Variants in SKAP2 observed in about 807,000 individuals in gnomAD.
The protein encoded by SKAP2 is src kinase-associated phosphoprotein 2.
In SKAP2, 28 loss-of-function variants were observed where a neutral mutation model predicts 54.9. That is an observed-to-expected ratio of 0.51 (90% CI 0.38 to 0.70). SKAP2 has a LOEUF of 0.70. Ranked by LOEUF, SKAP2 falls within the 30% of genes least tolerant of loss-of-function variation. SKAP2 has a pLI of 0.00. For missense variants in SKAP2, 356 were observed against 424.1 expected, an observed-to-expected ratio of 0.84 and a Z score of 1.41; for synonymous variants, 137 against 134.3, an observed-to-expected ratio of 1.02 and a Z score of -0.14.
intron 4 of SKAP2, among the ~76,000 whole-genome samples, chr7:26,763,363 T>G (rs978945243): frequency 3.3e-5 from 5 of 152,098 alleles, no homozygotes; most frequent in African/African-American, 9.7e-5. Flanking sequence ...TCCAAAAATT[T>G]ACAAAGGCAA....
intron 4 of SKAP2, among the ~76,000 whole-genome samples, chr7:26,741,046 G>C (rs946888703): frequency 4.6e-5 from 7 of 152,144 alleles, no homozygotes; most frequent in African/African-American, 1.4e-4. Flanking sequence ...ACTCTAGCAA[G>C]TGAAAACAAC....
intron 6 of SKAP2, 42 bp from the exon 7 acceptor site, chr7:26,727,048 T>G (rs188772129): frequency 2.9e-4 from 426 of 1,459,190 alleles, no homozygotes; most frequent in Non-Finnish European, 3.8e-4. Flanking sequence ...TTACTAAGTA[T>G]TAATGCTCAA....
intron 1 of SKAP2, among the ~76,000 whole-genome samples, chr7:26,863,677 G>A (rs974659276): frequency 6.6e-6 from 1 of 151,984 alleles, no homozygotes; most frequent in African/African-American, 2.4e-5. Context: ...GGAAGATAAG[G>A]GTACAAAGAT....
intron 9 of SKAP2, among the ~76,000 whole-genome samples, chr7:26,715,125 T>C (rs1787401791): frequency 6.6e-6 from 1 of 152,194 alleles, no homozygotes. Flanking sequence ...CCCATTAACA[T>C]AATTTTTCTT....
intron 4 of SKAP2, among the ~76,000 whole-genome samples, chr7:26,782,987 A>C (rs1783460460): frequency 6.6e-6 from 1 of 152,182 alleles, no homozygotes; most frequent in Non-Finnish European, 1.5e-5. Flanking sequence ...AAAAAAGAAC[A>C]CCAGAATGTA....
At chr7:26,738,107 A>G (rs866869517) in intron 6 of SKAP2, among the ~76,000 whole-genome samples, 2 of 152,168 alleles carry the variant, frequency 1.3e-5, no homozygotes, top group African/African-American at 2.4e-5. Context: ...AGGCACCGAG[A>G]CAAGACCCTG....
chr7:26,692,849 AT>A (rs1786813861), intron 9 of SKAP2, among the ~76,000 whole-genome samples: 2 of 152,198 alleles, frequency 1.3e-5, no homozygotes, highest in Admixed American at 1.3e-4. Context: ...TTGACAGATA[AT>A]TTGGTAAAAG....
intron 9 of SKAP2, among the ~76,000 whole-genome samples, chr7:26,723,803 G>C (rs1787634711): frequency 6.6e-6 from 1 of 151,876 alleles, no homozygotes; most frequent in African/African-American, 2.4e-5. Context: ...TCATTGCAGG[G>C]TTTTAAAAGG....
rs140998325 is a variant in SKAP2 at position 26,772,751 on chromosome 7, G to A, written c.308-32787C>T. On this transcript the variant is annotated intron_variant, in intron 4 of 12. Coordinates refer to ENST00000345317, the MANE Select transcript of SKAP2 (RefSeq NM_003930.5). ...AAATTCCAAGTGAAACTCAATCCACGTGTGTGTTTGTTTTGTGGGAACCAA... is the reference window on the plus strand; with the variant it reads ...AAATTCCAAGTGAAACTCAATCCACATGTGTGTTTGTTTTGTGGGAACCAA... Among the ~76,000 whole-genome samples, 69 of 152,300 alleles carry A rather than the reference G, an allele frequency of 4.5e-4. No homozygotes were observed. The East Asian group carries it at 9.3e-3, about 20-fold the overall frequency.
intron 4 of SKAP2, among the ~76,000 whole-genome samples, chr7:26,835,147 C>G (rs189623438): frequency 4.6e-5 from 7 of 152,196 alleles, no homozygotes; most frequent in African/African-American, 1.7e-4. Flanking sequence ...ATTCAGCAGC[C>G]CTTCATGCAA....
chr7:26,691,790 G>A (rs1786789127), intron 9 of SKAP2, among the ~76,000 whole-genome samples: 1 of 152,162 alleles, frequency 6.6e-6, no homozygotes, highest in African/African-American at 2.4e-5. Flanking sequence ...TTTCCGGAGG[G>A]ATAGGTATGA....
At chr7:26,772,485 G>A (rs895228168) in intron 4 of SKAP2, among the ~76,000 whole-genome samples, 1 of 152,168 alleles carries the variant, frequency 6.6e-6, no homozygotes, top group African/African-American at 2.4e-5. Context: ...TAGGGTATGT[G>A]GTTTTCTGTT....
chr7:26,678,616 T>C (rs1786410909), intron 11 of SKAP2, among the ~76,000 whole-genome samples: 1 of 152,026 alleles, frequency 6.6e-6, no homozygotes, highest in South Asian at 2.1e-4. Flanking sequence ...AATTTTTCTA[T>C]TTTTAGTAGA....
At chr7:26,860,929 T>C (rs1043160215) in intron 1 of SKAP2, among the ~76,000 whole-genome samples, 2 of 16,116 alleles carry the variant, frequency 1.2e-4, no homozygotes, top group Non-Finnish European at 2.6e-4. Flanking sequence ...AAGAGTGCCA[T>C]GTGAACAAAA....
At chr7:26,831,849 G>A (rs1486213150) in intron 4 of SKAP2, among the ~76,000 whole-genome samples, 1 of 151,942 alleles carries the variant, frequency 6.6e-6, no homozygotes, top group East Asian at 1.9e-4. Flanking sequence ...AATACCTGAA[G>A]CCAGAGCCAA....
At chr7:26,705,501 T>C (rs1468862509) in intron 9 of SKAP2, among the ~76,000 whole-genome samples, 3 of 152,188 alleles carry the variant, frequency 2.0e-5, no homozygotes, top group African/African-American at 7.2e-5. Flanking sequence ...CTGAATGTAG[T>C]TTAACTGCAT....
At chr7:26,838,853 T>G (rs1784764959) in intron 4 of SKAP2, among the ~76,000 whole-genome samples, 1 of 152,220 alleles carries the variant, frequency 6.6e-6, no homozygotes, top group Non-Finnish European at 1.5e-5. Flanking sequence ...TAACCTAGAT[T>G]GCTAGTTACC....
At chr7:26,704,966 C>G (rs1787125625) in intron 9 of SKAP2, among the ~76,000 whole-genome samples, 1 of 152,144 alleles carries the variant, frequency 6.6e-6, no homozygotes, top group African/African-American at 2.4e-5. Context: ...TGTAAAAGAG[C>G]CAGAATATTT....
chr7:26,759,582 C>A (rs901141869), intron 4 of SKAP2, among the ~76,000 whole-genome samples: 1 of 152,246 alleles, frequency 6.6e-6, no homozygotes, highest in East Asian at 1.9e-4. Flanking sequence ...ATAAGCTCTA[C>A]AAACCCTGGC....
Sources: allele counts gnomAD v4.1 joint callset (sites outside exome capture counted in the v4.1 genomes callset), GRCh38; gene constraint gnomAD v4.1.1; transcripts MANE v1.5; gene names NCBI Gene and HGNC (gene_info 2026-07-23, HGNC 2026-07-21).